The following CCDC33 variants were observed in gnomAD, a reference collection of about 807,000 sequenced individuals.
The protein encoded by CCDC33 is coiled-coil domain-containing protein 33.
In CCDC33, 94 loss-of-function variants were observed where a neutral mutation model predicts 91.9. The observed-to-expected ratio is 1.02, with a 90% confidence interval of 0.87 to 1.21. CCDC33 has a LOEUF of 1.21. CCDC33 is among the 50% of genes most tolerant of loss of function. CCDC33 has a pLI of 0.00. For missense variants in CCDC33, 940 were observed against 935.5 expected, an observed-to-expected ratio of 1.00 and a Z score of -0.06; for synonymous variants, 396 against 374.5, an observed-to-expected ratio of 1.06 and a Z score of -0.66.
chr15:74,286,918 T>C (rs1356832908), intron 10 of CCDC33, among the ~76,000 whole-genome samples: 1 of 152,022 alleles, frequency 6.6e-6, no homozygotes, highest in African/African-American at 2.4e-5. Context: ...CTTCCCCTCA[T>C]AGGGAGAGAG....
At chr15:74,311,823 G>A (rs1781940776) in intron 11 of CCDC33, 1 of 152,182 alleles carries the variant, frequency 6.6e-6, no homozygotes, top group African/African-American at 2.4e-5. Flanking sequence ...CATTTTTGTG[G>A]TTTGGACAAT....
At chr15:74,211,393 C>CTTTTTTTTTTTT (rs34963230) in intron 2 of CCDC33, among the ~76,000 whole-genome samples, 2 of 73,900 alleles carry the variant, frequency 2.7e-5, no homozygotes, top group Non-Finnish European at 5.0e-5. Context: ...CTGCCCCTGG[C>CTTTTTTTTTTTT]TTTTTTTTTT....
In CCDC33 at chr15:74,331,022, C is replaced by T; in HGVS notation, c.1587C>T (p.Ala529=). Residue 529 remains alanine (A), a synonymous_variant, in exon 14 of 19, where the codon GCC becomes GCT. Transcript: ENST00000398814. ...REKELLLLYQ[A]QQPQAALLKQ... ...AGGAGCTGCTCCTTCTGTATCAGGCCCAGCAGCCACAGGCCGCTCTGCTGA... is the reference window on the plus strand; with the variant it reads ...AGGAGCTGCTCCTTCTGTATCAGGCTCAGCAGCCACAGGCCGCTCTGCTGA... The T allele has an allele frequency of 6.2e-7, 1 of 1,610,362 alleles. No homozygotes were observed. The highest frequency in any genetic ancestry group is 8.5e-7 in the Non-Finnish European group (1 of 1,178,196).
At chr15:74,270,881 G>T (rs1183505814) in intron 5 of CCDC33, among the ~76,000 whole-genome samples, 1 of 152,134 alleles carries the variant, frequency 6.6e-6, no homozygotes, top group Admixed American at 6.5e-5. Context: ...TGAAAGCTGC[G>T]CCAATAGAAG....
chr15:74,247,069 T>C (rs1158012376), intron 2 of CCDC33, among the ~76,000 whole-genome samples: 9 of 151,406 alleles, frequency 5.9e-5, no homozygotes, highest in Non-Finnish European at 1.3e-4. Flanking sequence ...TTCTTGAACC[T>C]GGGAGGCAGA....
chr15:74,205,124 C>T (rs138709707), intron 1 of CCDC33, among the ~76,000 whole-genome samples: 51 of 152,070 alleles, frequency 3.4e-4, no homozygotes, highest in African/African-American at 9.6e-4. Context: ...AGAAGAGAGA[C>T]GGGAGTTGGC....
intron 11 of CCDC33, among the ~76,000 whole-genome samples, chr15:74,320,793 A>C (rs1303554046): frequency 2.6e-5 from 4 of 152,132 alleles, no homozygotes; most frequent in Non-Finnish European, 5.9e-5. Context: ...TGCCGCTTCG[A>C]TATCCCACCC....
Position 74,272,873 on chromosome 15 carries a change from C to T in CCDC33, c.741C>T (p.Ser247=), listed in dbSNP as rs758270640. Residue 247 remains serine, a synonymous_variant, in exon 7 of 19, where the codon AGC becomes AGT. Transcript: ENST00000398814. ...TGAACTTTGACGTGCCTCGCGTCAG[C>T]CAGAACGGATGCCCTCAGGTATGTC... The part of the protein sequence containing the change: ...SMMNFDVPRV[S]QNGCPQLSKP... 3.1e-6 allele frequency: 5 copies of T among 1,614,208 alleles called. No homozygotes were observed. The South Asian group carries it at 5.5e-5, about 18-fold the overall frequency.
chr15:74,333,265 G>T lies in CCDC33; in HGVS notation c.1938+420G>T, dbSNP rs1440882898. On this transcript the variant is annotated intron_variant, in intron 16 of 18. Coordinates refer to ENST00000398814, the MANE Select transcript of CCDC33 (RefSeq NM_025055.5). ...GAGCAGGAGGAGACTTGACAGAGAG[G>T]CTACAAGAGACGCATGGCCCAGGCC... 3.1e-6 allele frequency: 5 copies of T among 1,603,614 alleles called. No homozygotes were observed. The South Asian group carries it at 5.6e-5, about 18-fold the overall frequency.
At chr15:74,208,772 TG>T in intron 1 of CCDC33, 1 of 988,862 alleles carries the variant, frequency 1.0e-6, no homozygotes, top group Non-Finnish European at 1.2e-6. Context: ...CAATCCCACC[TG>T]GCCTCCCAGA....
At chr15:74,228,931 A>G (rs539115134) in intron 2 of CCDC33, among the ~76,000 whole-genome samples, 86 of 152,248 alleles carry the variant, frequency 5.6e-4, no homozygotes, top group African/African-American at 2.0e-3. Context: ...GCGGGCGCTG[A>G]GCAGGGAATC....
chr15:74,245,651 C>A (rs916987696), intron 2 of CCDC33, among the ~76,000 whole-genome samples: 1 of 151,318 alleles, frequency 6.6e-6, no homozygotes, highest in Admixed American at 6.6e-5. Flanking sequence ...TGGGAACGCG[C>A]GGCAGGAGCC....
At chr15:74,239,096 C>A (rs1256838535) in intron 1 of CCDC33, among the ~76,000 whole-genome samples, 3 of 152,176 alleles carry the variant, frequency 2.0e-5, no homozygotes, top group African/African-American at 7.2e-5. Flanking sequence ...AAGTAACTTG[C>A]CCAAATGACA....
intron 1 of CCDC33, among the ~76,000 whole-genome samples, chr15:74,241,272 G>T (rs1174673443): frequency 6.6e-6 from 1 of 152,082 alleles, no homozygotes; most frequent in Non-Finnish European, 1.5e-5. Flanking sequence ...CTGATCTGGG[G>T]GGCATGTATT....
At chr15:74,304,725 T>G (rs1371221574) in intron 11 of CCDC33, among the ~76,000 whole-genome samples, 1 of 151,998 alleles carries the variant, frequency 6.6e-6, no homozygotes, top group Non-Finnish European at 1.5e-5. Flanking sequence ...CTGGTGCTGC[T>G]CTGCCAGGCA....
At chr15:74,261,323 G>C (rs749466942) in intron 2 of CCDC33, among the ~76,000 whole-genome samples, 140 of 152,226 alleles carry the variant, frequency 9.2e-4, no homozygotes, top group Non-Finnish European at 1.0e-3. Context: ...AGGGAACAGT[G>C]AGGGCCGGGG....
intron 9 of CCDC33, among the ~76,000 whole-genome samples, chr15:74,281,389 G>T (rs901132): frequency 0.51 from 78,009 of 151,848 alleles, 24,727 homozygotes; most frequent in Non-Finnish European, 0.71. Flanking sequence ...TCATAGGGTT[G>T]CTGTGAGATT....
chr15:74,255,810 C>T (rs1393818780), intron 2 of CCDC33, among the ~76,000 whole-genome samples: 1 of 152,258 alleles, frequency 6.6e-6, no homozygotes, highest in Non-Finnish European at 1.5e-5. Flanking sequence ...ACTTTGGGGA[C>T]ACGCTCTTGG....
At chr15:74,335,577 C>A in intron 18 of CCDC33, 1 of 338,784 alleles carries the variant, frequency 3.0e-6, no homozygotes, top group Non-Finnish European at 5.5e-6. Context: ...AGTTCAACCC[C>A]GGGACCGCCC....
Sources: gnomAD v4.1 joint callset for allele counts (sites outside exome capture counted in the v4.1 genomes callset) on GRCh38, gnomAD v4.1.1 for gene constraint, MANE v1.5 for transcripts, NCBI Gene and HGNC (gene_info 2026-07-23, HGNC 2026-07-21) for gene names.